Variants in QTMAN observed in about 807,000 individuals in gnomAD.
QTMAN encodes the protein tRNA-queuosine alpha-mannosyltransferase.
chr2:143,950,275 G>A, the QTMAN span, among the ~76,000 whole-genome samples: 1 of 151,722 alleles, frequency 6.6e-6, no homozygotes, highest in South Asian at 2.1e-4. Flanking sequence ...AACTGTGTGA[G>A]GAACAATTTG....
chr2:144,121,191 G>A, the QTMAN span, among the ~76,000 whole-genome samples: 7 of 152,230 alleles, frequency 4.6e-5, no homozygotes, highest in East Asian at 1.4e-3. Flanking sequence ...GAGAGTCTAG[G>A]GATAGTGGAC....
chr2:144,278,081 G>A, the QTMAN span, among the ~76,000 whole-genome samples: 1 of 152,120 alleles, frequency 6.6e-6, no homozygotes, highest in Non-Finnish European at 1.5e-5. Flanking sequence ...AGCAAAAACT[G>A]AAGCTCTTCA....
At chr2:144,008,153 A>C in the QTMAN span, among the ~76,000 whole-genome samples, 4 of 152,148 alleles carry the variant, frequency 2.6e-5, no homozygotes, top group Non-Finnish European at 5.9e-5. Flanking sequence ...ACCTTAAAAA[A>C]TTATAGCTTA....
the QTMAN span, among the ~76,000 whole-genome samples, chr2:144,127,277 TAACA>T: frequency 1.3e-5 from 2 of 151,634 alleles, no homozygotes; most frequent in Non-Finnish European, 2.9e-5. Context: ...AAATAAAACA[TAACA>T]AACACACACA....
the QTMAN span, among the ~76,000 whole-genome samples, chr2:144,322,861 T>C: frequency 6.6e-6 from 1 of 152,302 alleles, no homozygotes; most frequent in Non-Finnish European, 1.5e-5. Context: ...ATACAGATAT[T>C]ACAAATCTTG....
At chr2:144,108,387 C>G in the QTMAN span, among the ~76,000 whole-genome samples, 2 of 152,294 alleles carry the variant, frequency 1.3e-5, no homozygotes, top group East Asian at 1.9e-4. Context: ...TGCCTGTAAT[C>G]CCAGCACTTT....
the QTMAN span, among the ~76,000 whole-genome samples, chr2:144,030,497 G>C: frequency 6.6e-6 from 1 of 152,158 alleles, no homozygotes; most frequent in Non-Finnish European, 1.5e-5. Flanking sequence ...GCTCTAGGAA[G>C]CAGGAATCAT....
At chr2:144,133,143 ATAT>A in the QTMAN span, among the ~76,000 whole-genome samples, 3 of 62,598 alleles carry the variant, frequency 4.8e-5, no homozygotes, top group Non-Finnish European at 8.4e-5. Context: ...ATATATATAT[ATAT>A]ATATAATATA....
chr2:144,059,269 C>T, the QTMAN span, among the ~76,000 whole-genome samples: 43 of 152,170 alleles, frequency 2.8e-4, no homozygotes, highest in Non-Finnish European at 5.7e-4. Flanking sequence ...TCCCCTTCTC[C>T]ATACAGTCAA....
the QTMAN span, among the ~76,000 whole-genome samples, chr2:144,057,955 A>G: frequency 2.6e-5 from 4 of 152,064 alleles, no homozygotes; most frequent in South Asian, 8.3e-4. Flanking sequence ...CTGGGACTAC[A>G]GTTGTGCATC....
At chr2:144,306,793 A>G in the QTMAN span, among the ~76,000 whole-genome samples, 3 of 152,258 alleles carry the variant, frequency 2.0e-5, no homozygotes, top group African/African-American at 2.4e-5. Context: ...AATGGAGTTT[A>G]TCATAAAAAT....
At chr2:144,082,307 C>T in the QTMAN span, among the ~76,000 whole-genome samples, 3 of 152,168 alleles carry the variant, frequency 2.0e-5, no homozygotes, top group South Asian at 2.1e-4. Context: ...GCTCAGTGCT[C>T]GTGTGGATGC....
chr2:143,991,834 C>T, the QTMAN span, among the ~76,000 whole-genome samples: 1 of 148,778 alleles, frequency 6.7e-6, no homozygotes, highest in South Asian at 2.1e-4. Context: ...AGGTGAGGGG[C>T]ACCTCTGCCC....
the QTMAN span, among the ~76,000 whole-genome samples, chr2:143,972,771 T>C: frequency 1.3e-5 from 2 of 152,328 alleles, no homozygotes; most frequent in African/African-American, 4.8e-5. Flanking sequence ...TGAGATTTTT[T>C]CATTCCCAAA....
the QTMAN span, among the ~76,000 whole-genome samples, chr2:144,056,866 G>A: frequency 6.0e-4 from 92 of 152,306 alleles, no homozygotes; most frequent in African/African-American, 2.1e-3. Context: ...AAGAATCCAA[G>A]AACTTTTCGA....
At chr2:144,043,503 G>T in the QTMAN span, among the ~76,000 whole-genome samples, 1 of 151,836 alleles carries the variant, frequency 6.6e-6, no homozygotes, top group Non-Finnish European at 1.5e-5. Flanking sequence ...GCGTGGTGAC[G>T]GGTGCCTGTA....
the QTMAN span, among the ~76,000 whole-genome samples, chr2:144,258,227 A>T: frequency 8.6e-5 from 13 of 151,514 alleles, no homozygotes; most frequent in Non-Finnish European, 1.5e-4. Flanking sequence ...CTTGCAAAAA[A>T]AAAACAAAAA....
At chr2:144,259,460 G>C in the QTMAN span, among the ~76,000 whole-genome samples, 1 of 152,024 alleles carries the variant, frequency 6.6e-6, no homozygotes, top group Admixed American at 6.6e-5. Flanking sequence ...CGCCCAGTAG[G>C]ATCTCTGCTT....
chr2:144,019,390 T>C, the QTMAN span, among the ~76,000 whole-genome samples: 1 of 146,176 alleles, frequency 6.8e-6, no homozygotes, highest in Non-Finnish European at 1.5e-5. Context: ...GGATGAGCGG[T>C]GGTTGAGCAG....
Sources: allele counts gnomAD v4.1 joint callset (sites outside exome capture counted in the v4.1 genomes callset), GRCh38; gene constraint gnomAD v4.1.1; transcripts MANE v1.5; gene names NCBI Gene and HGNC (gene_info 2026-07-23, HGNC 2026-07-21).